Variants in ACSL4 observed in about 807,000 individuals in gnomAD.
ACSL4 encodes the protein acyl-CoA synthetase long chain family member 4.
ACSL4 carries 9 observed loss-of-function variants against 49.1 expected under a neutral mutation model. That is an observed-to-expected ratio of 0.18 (90% CI 0.11 to 0.32). The LOEUF (loss-of-function observed/expected upper bound fraction) is 0.32, where lower values mean the gene tolerates loss of function less well. Ranked by LOEUF, ACSL4 falls within the 10% of genes least tolerant of loss-of-function variation. The pLI is 1.00. For synonymous variants in ACSL4, 191 were observed against 170.3 expected (o/e 1.12, Z -0.95); for missense variants, 333 against 493.7 (o/e 0.67, Z 3.08).
chrX:109,652,228 T>C (rs1177661595), intron 15 of ACSL4, among the ~76,000 whole-genome samples: 1 of 112,139 alleles, frequency 8.9e-6, no homozygotes, highest in Non-Finnish European at 1.9e-5. Context: ...ATCAAAACTA[T>C]TTCACACTTT....
intron 1 of ACSL4, among the ~76,000 whole-genome samples, chrX:109,718,691 T>C (rs181258902): frequency 1.2e-3 from 125 of 106,765 alleles, no homozygotes; most frequent in African/African-American, 3.9e-3. Flanking sequence ...AAGGTGGAGG[T>C]TGCAGTGAGC....
intron 9 of ACSL4, among the ~76,000 whole-genome samples, chrX:109,670,584 CAA>C (rs147696733): frequency 8.6e-5 from 7 of 81,037 alleles, no homozygotes; most frequent in East Asian, 4.0e-4. Flanking sequence ...GACTCCGTCT[CAA>C]AAAAAAAAAA....
At chrX:109,652,567 G>A (rs1921233269) in intron 15 of ACSL4, among the ~76,000 whole-genome samples, 1 of 111,407 alleles carries the variant, frequency 9.0e-6, no homozygotes. Flanking sequence ...GTGCACCTCT[G>A]ATGATTAGCC....
chrX:109,717,773 C>T (rs746158715), intron 1 of ACSL4, among the ~76,000 whole-genome samples: 18 of 111,900 alleles, frequency 1.6e-4, no homozygotes, highest in Non-Finnish European at 2.6e-4. Flanking sequence ...TACTCACAGC[C>T]GTGTCCAACC....
chrX:109,672,548 T>C (rs892683847), intron 9 of ACSL4, among the ~76,000 whole-genome samples: 1 of 111,717 alleles, frequency 9.0e-6, no homozygotes, highest in Non-Finnish European at 1.9e-5. Context: ...TCACTGTGAA[T>C]GTTATAGTAT....
At chrX:109,667,412 G>T (rs764142494) in intron 11 of ACSL4, among the ~76,000 whole-genome samples, 35 of 112,475 alleles carry the variant, frequency 3.1e-4, no homozygotes, top group African/African-American at 1.1e-3. Flanking sequence ...GGGAAACCTC[G>T]CTTCAGGCTG....
rs772450240 is a variant in ACSL4 at position 109,658,178 on chromosome X, C to T, written c.1855+1176G>A. ...CAATCAGTAGTAGTATTTACCTTGT[C>T]GCTTCAGCTACAAATCTGGGGGCTA... On this transcript the variant is annotated intron_variant, in intron 15 of 15. Coordinates refer to ENST00000672401, the MANE Select transcript of ACSL4 (RefSeq NM_001318510.2). Among the ~76,000 whole-genome samples the T allele has an allele frequency of 2.2e-4, 24 of 111,547 alleles. No individual in the cohort carries two copies. The South Asian group carries it at 7.1e-3, about 33-fold the overall frequency.
chrX:109,668,337 T>C, intron 10 of ACSL4, 64 bp from the exon 11 acceptor site: 1 of 975,623 alleles, frequency 1.0e-6, no homozygotes, highest in Non-Finnish European at 1.4e-6. Context: ...ACACACTAAT[T>C]TATAAGCTCT....
intron 1 of ACSL4, among the ~76,000 whole-genome samples, chrX:109,732,242 CTTTT>C (rs1481163295): frequency 1.8e-5 from 2 of 111,759 alleles, no homozygotes; most frequent in Non-Finnish European, 3.8e-5. Context: ...GACGATTGAC[CTTTT>C]TTTAGGTGAA....
At chrX:109,697,849 T>C (rs1415419163) in intron 1 of ACSL4, among the ~76,000 whole-genome samples, 1 of 108,589 alleles carries the variant, frequency 9.2e-6, no homozygotes, top group Non-Finnish European at 1.9e-5. Context: ...TTCCAGTAAC[T>C]TAAAAATGAC....
Position 109,643,002 on chromosome X carries a change from T to C in ACSL4, c.*1027A>G, listed in dbSNP as rs1359293029. The stretch of plus-strand genomic sequence containing the variant: ...AAAGGCTTTCTGAAATGCAAACTAC[T>C]GATCAAGAATAAAATCAGCAACAGC... On this transcript the variant is annotated 3_prime_UTR_variant, in exon 16 of 16. Coordinates refer to ENST00000672401, the MANE Select transcript of ACSL4 (RefSeq NM_001318510.2). 1 of 112,229 alleles carries C rather than the reference T, an allele frequency of 8.9e-6. No individual in the cohort carries two copies. Among genetic ancestry groups the C allele is most frequent in the Non-Finnish European group, 1.9e-5 (1 of 53,125 alleles). 9.2% of individuals were successfully genotyped at this position (112,229 alleles called of 1,213,427 possible).
intron 1 of ACSL4, among the ~76,000 whole-genome samples, chrX:109,702,594 ACTATT>A (rs1209861480): frequency 8.9e-6 from 1 of 112,380 alleles, no homozygotes; most frequent in Non-Finnish European, 1.9e-5. Context: ...TGTTCCAAAT[ACTATT>A]CTCCAAGAAA....
intron 1 of ACSL4, among the ~76,000 whole-genome samples, chrX:109,710,736 G>A (rs1926692272): frequency 9.0e-6 from 1 of 111,549 alleles, no homozygotes; most frequent in African/African-American, 3.3e-5. Context: ...TGAGAGATGG[G>A]GTCTTGCTTT....
chrX:109,664,156 A>C (rs1430019863), intron 12 of ACSL4, among the ~76,000 whole-genome samples: 1 of 110,962 alleles, frequency 9.0e-6, no homozygotes, highest in Non-Finnish European at 1.9e-5. Flanking sequence ...GATAAAACCC[A>C]TTGTATGTTA....
intron 9 of ACSL4, among the ~76,000 whole-genome samples, chrX:109,673,301 C>G (rs1923423942): frequency 9.0e-6 from 1 of 111,703 alleles, no homozygotes; most frequent in Non-Finnish European, 1.9e-5. Flanking sequence ...TTGATTCCAT[C>G]ACCTATGAGC....
chrX:109,642,810 T>A lies in ACSL4; in HGVS notation c.*1219A>T, dbSNP rs1934485414. 9.0e-6 allele frequency: 1 copy of A among 111,208 alleles called. No individual in the cohort carries two copies. Among genetic ancestry groups the A allele is most frequent in the South Asian group, 3.8e-4 (1 of 2,644 alleles). 9.2% of individuals were successfully genotyped at this position (111,208 alleles called of 1,213,427 possible). A position where few individuals can be genotyped will look rare whatever the true frequency, so the allele number is the denominator to read the frequency against. On this transcript the variant is annotated 3_prime_UTR_variant, in exon 16 of 16. Transcript: ENST00000672401. Reference sequence around the variant, plus strand: ...CAAGTAACTCTGCCCTTCTCCCAAATCTAGTATTTCCAGTTTCTAAGCTCT... The same window carrying A: ...CAAGTAACTCTGCCCTTCTCCCAAAACTAGTATTTCCAGTTTCTAAGCTCT...
chrX:109,697,832 T>C (rs903803494), intron 1 of ACSL4, among the ~76,000 whole-genome samples: 2 of 107,067 alleles, frequency 1.9e-5, no homozygotes, highest in South Asian at 4.2e-4. Context: ...ATTTCCCCCA[T>C]AGATAATTCC....
At chrX:109,680,921 T>G (rs1178039761) in intron 6 of ACSL4, 77 bp downstream of exon 6, 12 of 1,053,783 alleles carry the variant, frequency 1.1e-5, no homozygotes, top group Admixed American at 6.8e-5. Context: ...GATTTACTCA[T>G]GTCATTTGTT....
chrX:109,664,226 C>G (rs971234544), intron 12 of ACSL4, among the ~76,000 whole-genome samples: 1 of 110,973 alleles, frequency 9.0e-6, no homozygotes, highest in African/African-American at 3.3e-5. Flanking sequence ...GCAAGGAAAA[C>G]TCCAAATACA....
Sources: allele counts gnomAD v4.1 joint callset (sites outside exome capture counted in the v4.1 genomes callset), GRCh38; gene constraint gnomAD v4.1.1; transcripts MANE v1.5; gene names NCBI Gene and HGNC (gene_info 2026-07-23, HGNC 2026-07-21).